Variants in SPAG16 observed in about 807,000 individuals in gnomAD.
SPAG16 encodes sperm-associated antigen 16 protein.
A neutral mutation model predicts 80.4 loss-of-function variants in SPAG16; 86 were observed. The ratio of observed to expected loss-of-function variants is 1.07; its 90% CI spans 0.90 to 1.28. The LOEUF (loss-of-function observed/expected upper bound fraction) is 1.28, where lower values mean the gene tolerates loss of function less well. SPAG16 is among the 50% of genes most tolerant of loss of function. The pLI, the probability that SPAG16 is intolerant of heterozygous loss-of-function variation, is 0.00. For synonymous variants in SPAG16, 294 were observed against 265.9 expected (o/e 1.11, Z -1.03); for missense variants, 870 against 765.3 (o/e 1.14, Z -1.61).
intron 10 of SPAG16, among the ~76,000 whole-genome samples, chr2:213,689,528 C>CT (rs397873153): frequency 0.011 from 590 of 54,260 alleles, 80 homozygotes; most frequent in African/African-American, 0.031. Context: ...AGTGCTGGGG[C>CT]TTTTTTTTTT....
intron 10 of SPAG16, among the ~76,000 whole-genome samples, chr2:213,700,230 A>C (rs1468883467): frequency 1.3e-5 from 2 of 151,976 alleles, no homozygotes; most frequent in African/African-American, 4.8e-5. Context: ...AAAAAAAAAA[A>C]CAAATAATTT....
chr2:213,464,679 G>T (rs1294319735), intron 9 of SPAG16, among the ~76,000 whole-genome samples: 1 of 152,196 alleles, frequency 6.6e-6, no homozygotes, highest in African/African-American at 2.4e-5. Context: ...CTCCAGCGGG[G>T]AGACACCATT....
At chr2:214,022,101 A>G (rs2047899803) in intron 13 of SPAG16, among the ~76,000 whole-genome samples, 1 of 152,144 alleles carries the variant, frequency 6.6e-6, no homozygotes. Flanking sequence ...ATTTCTTTGT[A>G]AAGTGTTTTA....
intron 9 of SPAG16, among the ~76,000 whole-genome samples, chr2:213,404,953 C>G (rs2068532987): frequency 6.6e-6 from 1 of 152,118 alleles, no homozygotes; most frequent in South Asian, 2.1e-4. Flanking sequence ...TGACCTAAAG[C>G]TTACTCTCCA....
intron 10 of SPAG16, among the ~76,000 whole-genome samples, chr2:213,651,436 T>A (rs1466494536): frequency 6.6e-6 from 1 of 152,188 alleles, no homozygotes; most frequent in Non-Finnish European, 1.5e-5. Flanking sequence ...AAACCGGTAC[T>A]TCCTTTTTGG....
intron 15 of SPAG16, among the ~76,000 whole-genome samples, chr2:214,154,455 T>G (rs1192920368): frequency 4.0e-5 from 6 of 149,572 alleles, no homozygotes; most frequent in Non-Finnish European, 8.9e-5. Context: ...AATCCCAAAA[T>G]GGGACGAAAA....
At chr2:214,208,104 C>T (rs2058195997) in intron 15 of SPAG16, among the ~76,000 whole-genome samples, 1 of 152,194 alleles carries the variant, frequency 6.6e-6, no homozygotes, top group African/African-American at 2.4e-5. Context: ...TCCTTAATAA[C>T]TCTCTTTCAT....
chr2:214,132,169 T>C (rs12694317), intron 14 of SPAG16, among the ~76,000 whole-genome samples: 45,340 of 152,134 alleles, frequency 0.3, 7,073 homozygotes, highest in East Asian at 0.46. Context: ...AGAGTTCTAT[T>C]GCAAATATGA....
intron 14 of SPAG16, among the ~76,000 whole-genome samples, chr2:214,135,734 TC>T (rs1363832883): frequency 6.6e-6 from 1 of 151,522 alleles, no homozygotes; most frequent in African/African-American, 2.4e-5. Flanking sequence ...TCTCTCTCTC[TC>T]TCTCTCTCTC....
At chr2:213,779,589 T>TA (rs909207344) in intron 10 of SPAG16, among the ~76,000 whole-genome samples, 4 of 152,142 alleles carry the variant, frequency 2.6e-5, no homozygotes, top group African/African-American at 7.2e-5. Context: ...CCTTCAACTA[T>TA]AAAAAAAATT....
intron 10 of SPAG16, among the ~76,000 whole-genome samples, chr2:213,719,591 G>C (rs1262197584): frequency 2.0e-5 from 3 of 152,186 alleles, no homozygotes; most frequent in Non-Finnish European, 1.5e-5. Flanking sequence ...GGCTGCCCGA[G>C]CCAGCATTGG....
chr2:213,770,120 A>C (rs753452161), intron 10 of SPAG16, among the ~76,000 whole-genome samples: 1 of 152,322 alleles, frequency 6.6e-6, no homozygotes, highest in Non-Finnish European at 1.5e-5. Context: ...CAATATATGA[A>C]TATATCACAG....
intron 11 of SPAG16, among the ~76,000 whole-genome samples, chr2:213,892,544 T>G (rs1277945866): frequency 6.6e-6 from 1 of 152,038 alleles, no homozygotes; most frequent in African/African-American, 2.4e-5. Flanking sequence ...TTAAGAAAGC[T>G]CAGTGATCTG....
chr2:213,810,948 T>C (rs1472255445), intron 10 of SPAG16, among the ~76,000 whole-genome samples: 1 of 152,206 alleles, frequency 6.6e-6, no homozygotes. Context: ...CCAGGACTAC[T>C]GTGAGGATTG....
chr2:213,757,612 T>C (rs550392768), intron 10 of SPAG16, among the ~76,000 whole-genome samples: 19 of 152,254 alleles, frequency 1.2e-4, no homozygotes, highest in African/African-American at 4.6e-4. Context: ...TACTAAAGGC[T>C]TGCAACTTCT....
chr2:214,195,112 T>C (rs774112564), intron 15 of SPAG16, among the ~76,000 whole-genome samples: 1 of 152,018 alleles, frequency 6.6e-6, no homozygotes, highest in African/African-American at 2.4e-5. Context: ...TGCTATTTAA[T>C]ATGAAACCTA....
At chr2:213,637,851 G>A (rs568970335) in intron 10 of SPAG16, among the ~76,000 whole-genome samples, 1 of 152,258 alleles carries the variant, frequency 6.6e-6, no homozygotes, top group African/African-American at 2.4e-5. Context: ...CTGACTCCCG[G>A]GTTCATGCCA....
intron 10 of SPAG16, among the ~76,000 whole-genome samples, chr2:213,720,420 G>A (rs1031944171): frequency 5.3e-5 from 8 of 150,192 alleles, no homozygotes; most frequent in African/African-American, 1.5e-4. Context: ...GAGGTCAGGA[G>A]ATCGAGACTA....
At chr2:213,384,623 A>G (rs1188395774) in intron 9 of SPAG16, among the ~76,000 whole-genome samples, 2 of 152,178 alleles carry the variant, frequency 1.3e-5, no homozygotes, top group Non-Finnish European at 2.9e-5. Context: ...GAATCATTGT[A>G]TGTACTTGCT....
Sources: allele counts gnomAD v4.1 joint callset (sites outside exome capture counted in the v4.1 genomes callset), GRCh38; gene constraint gnomAD v4.1.1; transcripts MANE v1.5; gene names NCBI Gene and HGNC (gene_info 2026-07-23, HGNC 2026-07-21).